The following NLRP4 variants were observed in gnomAD, a reference collection of about 807,000 sequenced individuals.
NLRP4 encodes NACHT, LRR and PYD domains-containing protein 4.
A neutral mutation model predicts 84.7 loss-of-function variants in NLRP4; 44 were observed. The ratio of observed to expected loss-of-function variants is 0.52; its 90% CI spans 0.41 to 0.67. The LOEUF is 0.67. Among genes scored for constraint, NLRP4 ranks in the 30% least tolerant of loss-of-function variants. The pLI, the probability that NLRP4 is intolerant of heterozygous loss-of-function variation, is 0.00. For missense variants in NLRP4, 1,260 were observed against 1,219.4 expected, an observed-to-expected ratio of 1.03 and a Z score of -0.50; for synonymous variants, 544 against 476.4, an observed-to-expected ratio of 1.14 and a Z score of -1.85.
intron 7 of NLRP4, among the ~76,000 whole-genome samples, chr19:55,876,471 C>T (rs922800759): frequency 6.6e-6 from 1 of 152,150 alleles, no homozygotes; most frequent in Non-Finnish European, 1.5e-5. Flanking sequence ...GCCTCAACCT[C>T]CTGGGTAGCT....
chr19:55,867,610 GACAGCAAATGTGGGCTTCCCGA>G, intron 5 of NLRP4, 77 bp from the exon 6 acceptor site: 3 of 1,080,878 alleles, frequency 2.8e-6, no homozygotes, highest in Non-Finnish European at 4.1e-6. Context: ...GCCTCTCAAG[GACAGCAAATGTGGGCTTCCCGA>G]CTCTGACAGG....
chr19:55,850,152 A>T (rs537114114), intron 1 of NLRP4, among the ~76,000 whole-genome samples: 717 of 51,972 alleles, frequency 0.014, 9 homozygotes, highest in East Asian at 0.028. Context: ...GTAATTTCCG[A>T]GGCTGCGGTG....
rs1484636214 is a variant in NLRP4 at position 55,879,853 on chromosome 19, A to T, written c.2867+889A>T. ...ATTATTATAATACAAATTATGATACATGTTTATATTTTAAATATTTATGTG... is the reference window on the plus strand; with the variant it reads ...ATTATTATAATACAAATTATGATACTTGTTTATATTTTAAATATTTATGTG... On this transcript the variant is annotated intron_variant, in intron 9 of 9. Transcript: ENST00000301295. Among the ~76,000 whole-genome samples, 3 of 151,978 alleles carry T rather than the reference A, an allele frequency of 2.0e-5. No homozygotes were observed. In the East Asian group the frequency reaches 5.8e-4, roughly 29 times the overall value.
intron 1 of NLRP4, among the ~76,000 whole-genome samples, chr19:55,846,304 T>G (rs1055038256): frequency 2.6e-5 from 4 of 152,194 alleles, no homozygotes; most frequent in Admixed American, 2.6e-4. Flanking sequence ...CTTGTTTTTG[T>G]CAGGTCTGTC....
At chr19:55,865,238 A>G (rs539057712) in intron 5 of NLRP4, among the ~76,000 whole-genome samples, 11 of 152,266 alleles carry the variant, frequency 7.2e-5, no homozygotes, top group African/African-American at 2.6e-4. Flanking sequence ...AACATGTGAT[A>G]TTTGGATTTA....
rs1568663742 is a variant in NLRP4, at chr19:55,857,488, A to G, written c.281-186A>G. 5.0e-6 allele frequency: 3 copies of G among 602,398 alleles called. No individual in the cohort carries two copies. In the South Asian group the frequency reaches 6.4e-5, roughly 13 times the overall value. The allele number at this position is 602,398 out of a possible 1,614,324, so 37.3% of individuals were successfully genotyped here. ...TTCAATCAGGAAGGCTCCTGTAGAC[A>G]ATATACCCGTGAATGGTGTAGTGAG... On this transcript the variant is annotated intron_variant, in intron 2 of 9. Coordinates refer to ENST00000301295, the MANE Select transcript of NLRP4 (RefSeq NM_134444.5).
At position 55,858,193 on chromosome 19, in the gene NLRP4, A is replaced by G; in HGVS notation, c.800A>G (p.Lys267Arg). The G allele has an allele frequency of 1.2e-6, 2 of 1,614,164 alleles. No homozygotes were observed. Among genetic ancestry groups the G allele is most frequent in the Non-Finnish European group, 1.7e-6 (2 of 1,180,010 alleles). Reference protein sequence around the residue: ...VQVLLSSLLRKKMLPEASLLI... With the variant: ...VQVLLSSLLRRKMLPEASLLI... ...GTGCTTCTGAGCAGTTTGCTGAGGA[A>G]GAAGATGCTCCCGGAGGCCTCCCTG... The change falls in exon 3 of 10, where the codon AAG becomes AGG. Residue 267 changes from lysine to arginine, a missense_variant. By Grantham distance (26) the Lys-to-Arg change is conservative (BLOSUM62 2). Around this residue, in one of 3 missense-constraint regions of NLRP4, gnomAD observed 712 missense variants for 669.2 expected, o/e 1.06. Transcript: ENST00000301295. The surrounding 1 kb of genome is among the most constrained non-coding windows in gnomAD (Gnocchi z 4.2).
chr19:55,851,673 AG>A (rs1984156596), intron 1 of NLRP4, among the ~76,000 whole-genome samples: 1 of 93,678 alleles, frequency 1.1e-5, no homozygotes, highest in African/African-American at 3.7e-5. Flanking sequence ...GTAATGTCCG[AG>A]GCTGCGGTGT....
chr19:55,870,733 T>G, intron 6 of NLRP4, 94 bp from the exon 7 acceptor site: 2 of 860,594 alleles, frequency 2.3e-6, no homozygotes, highest in Non-Finnish European at 3.8e-6. Flanking sequence ...GTTTGTAAGA[T>G]TATAGAAATA....
intron 1 of NLRP4, among the ~76,000 whole-genome samples, chr19:55,848,374 G>T (rs1983878893): frequency 6.6e-6 from 1 of 150,604 alleles, no homozygotes; most frequent in Non-Finnish European, 1.5e-5. Context: ...TTATACTATA[G>T]TATTGTATAC....
At chr19:55,863,387 G>T (rs535238447) in intron 5 of NLRP4, among the ~76,000 whole-genome samples, 47 of 152,186 alleles carry the variant, frequency 3.1e-4, no homozygotes, top group Non-Finnish European at 6.2e-4. Context: ...ACAGGCTTCT[G>T]CTTCTGGGGA....
chr19:55,878,956 G>C lies in NLRP4; in HGVS notation c.2859G>C (p.Gln953His), dbSNP rs1985482206. 6.2e-7 allele frequency: 1 copy of C among 1,612,696 alleles called. No individual in the cohort carries two copies. The highest frequency in any genetic ancestry group is 8.5e-7 in the Non-Finnish European group (1 of 1,179,004). Reference protein sequence around the residue: ...EALRHPECALQVLGLRKTDFD... With the variant: ...EALRHPECALHVLGLRKTDFD... ...TGAGACACCCAGAGTGTGCCCTGCA[G>C]GTGCTCGGGTGAGCTGGGGTCTGTT... Residue 953 changes from glutamine to histidine, a missense_variant, in exon 9 of 10, where the codon CAG becomes CAC. By Grantham distance (24) the Gln-to-His change is conservative (BLOSUM62 0). This residue lies in a region of NLRP4 where 544 missense variants were observed against 531.7 expected (regional missense o/e 1.02). Coordinates refer to ENST00000301295, the MANE Select transcript of NLRP4 (RefSeq NM_134444.5).
chr19:55,875,215 G>A (rs1985323551), intron 7 of NLRP4, among the ~76,000 whole-genome samples: 1 of 152,210 alleles, frequency 6.6e-6, no homozygotes, highest in Admixed American at 6.5e-5. Flanking sequence ...CTAGTCAACA[G>A]TGTCCTGAAA....
At chr19:55,867,304 G>A (rs1984995741) in intron 5 of NLRP4, among the ~76,000 whole-genome samples, 2 of 150,616 alleles carry the variant, frequency 1.3e-5, no homozygotes, top group Non-Finnish European at 3.0e-5. Context: ...CGTAAGCCAA[G>A]TGTGCATGTA....
rs776981172 is a variant in NLRP4 at position 55,867,801 on chromosome 19, G to T, written c.2279G>T (p.Cys760Phe). ...AAGCTGACGTATCTGAATGTATCCT[G>T]CAACCAGTTAGACACAGGCGTGCCC... ...NKKLTYLNVS[C>F]NQLDTGVPLL... The change falls in exon 6 of 10, where the codon TGC (cysteine) becomes TTC (phenylalanine). Residue 760 changes from cysteine to phenylalanine, a missense_variant. By Grantham distance (205) the Cys-to-Phe change is radical. This residue lies in a region of NLRP4 where 544 missense variants were observed against 531.7 expected (regional missense o/e 1.02). Coordinates refer to ENST00000301295, the MANE Select transcript of NLRP4 (RefSeq NM_134444.5). 6.2e-7 allele frequency: 1 copy of T among 1,614,152 alleles called. No homozygotes were observed. Among genetic ancestry groups the T allele is most frequent in the South Asian group, 1.1e-5 (1 of 91,080 alleles).
chr19:55,859,334 G>A, intron 3 of NLRP4, 85 bp downstream of exon 3: 1 of 1,098,976 alleles, frequency 9.1e-7, no homozygotes, highest in Non-Finnish European at 1.3e-6. Context: ...GTTTAATATA[G>A]GATCATGGTT....
Position 55,836,697 on chromosome 19 carries a change from C to G in NLRP4, c.-303C>G, listed in dbSNP as rs302470. ...GCTGATCGATCACAGCCAGGCCTCT[C>G]CATTCTATTTACCCAGCGTTTTCCT... On this transcript the variant is annotated 5_prime_UTR_variant, in exon 1 of 10. Transcript: ENST00000301295. The G allele has an allele frequency of 0.33, 50,593 of 151,850 alleles. 9,185 individuals are homozygous for G. The highest frequency in any genetic ancestry group is 0.47 in the African/African-American group (19,317 of 41,316). 9.4% of individuals were successfully genotyped at this position (151,850 alleles called of 1,614,324 possible).
chr19:55,874,920 T>C (rs1985315390), intron 7 of NLRP4, among the ~76,000 whole-genome samples: 1 of 152,134 alleles, frequency 6.6e-6, no homozygotes, highest in African/African-American at 2.4e-5. Flanking sequence ...ATAAACATAA[T>C]GACTAAGTTG....
intron 1 of NLRP4, 41 bp from the exon 2 acceptor site, chr19:55,851,974 AT>A: frequency 1.2e-6 from 1 of 813,496 alleles, no homozygotes; most frequent in Non-Finnish European, 2.0e-6. Context: ...ATCTTGATCC[AT>A]TTATTTGTAA....
Sources: gnomAD v4.1 joint callset for allele counts (sites outside exome capture counted in the v4.1 genomes callset) on GRCh38, gnomAD v4.1.1 for gene constraint, gnomAD v4.1.1 regional missense constraint, Gnocchi (gnomAD v3.1) non-coding constraint, MANE v1.5 for transcripts, NCBI Gene and HGNC (gene_info 2026-07-23, HGNC 2026-07-21) for gene names.